The following DLG2 variants were observed in gnomAD, a reference collection of about 807,000 sequenced individuals.
DLG2 encodes the protein disks large homolog 2.
Under a neutral mutation model 132.5 loss-of-function variants are expected in DLG2, and 45 were observed. That is an observed-to-expected ratio of 0.34 (90% CI 0.27 to 0.44). DLG2 has a LOEUF of 0.44. Ranked by LOEUF, DLG2 falls within the 20% of genes least tolerant of loss-of-function variation. DLG2 has a pLI of 1.00. For missense variants in DLG2, 1,045 were observed against 1,196.9 expected (o/e 0.87, Z 1.87); for synonymous variants, 424 against 419.6 (o/e 1.01, Z -0.13).
intron 7 of DLG2, among the ~76,000 whole-genome samples, chr11:84,413,473 CTT>C (rs2098917123): frequency 6.6e-6 from 1 of 152,168 alleles, no homozygotes; most frequent in African/African-American, 2.4e-5. Flanking sequence ...AGAGACAACA[CTT>C]TTGTGGTAGC....
chr11:83,550,134 G>T (rs2096352843), intron 19 of DLG2, among the ~76,000 whole-genome samples: 1 of 152,096 alleles, frequency 6.6e-6, no homozygotes, highest in Non-Finnish European at 1.5e-5. Context: ...TGTTTTGAGG[G>T]TGTTGGCAAA....
At chr11:84,365,271 T>C (rs1350232722) in intron 7 of DLG2, among the ~76,000 whole-genome samples, 1 of 152,200 alleles carries the variant, frequency 6.6e-6, no homozygotes, top group East Asian at 1.9e-4. Flanking sequence ...ATTTATCCAT[T>C]TCTTCTAGAT....
rs1567804114 is a variant in DLG2 at position 84,502,234 on chromosome 11, CCTT to C, written c.519+32333_519+32335del. 2.6e-4 allele frequency among the ~76,000 whole-genome samples: 7 copies of C among 27,180 alleles called. 2 individuals carry two copies. In the African/African-American group the frequency reaches 3.5e-3, roughly 14 times the overall value. The allele number at this position is 27,180 out of a possible 152,430, so 17.8% of individuals were successfully genotyped here. On this transcript the variant is annotated intron_variant, in intron 7 of 27. Coordinates refer to ENST00000376104, the MANE Select transcript of DLG2 (RefSeq NM_001142699.3). ...TCCTTCCTTCCTTCCTTCCTTCCTT[CCTT>C]CCTTCCTTCCTTCCTTCCTTCCTTC... is the stretch of plus-strand genomic sequence containing the variant.
intron 17 of DLG2, among the ~76,000 whole-genome samples, chr11:83,796,588 G>T (rs2042884707): frequency 6.6e-6 from 1 of 152,096 alleles, no homozygotes; most frequent in Non-Finnish European, 1.5e-5. Context: ...TCTTATGGGT[G>T]TTATTTCCAG....
rs148113929 is a variant in DLG2, at chr11:85,489,533, C to T, written c.40+109124G>A. On this transcript the variant is annotated intron_variant, in intron 3 of 27. Coordinates refer to ENST00000376104, the MANE Select transcript of DLG2 (RefSeq NM_001142699.3). The stretch of plus-strand genomic sequence containing the variant: ...CGAAAATCAACAAAAAAACATGAAA[C>T]CGAAATTGGACTTTACACAAAAGGG... Among the ~76,000 whole-genome samples the T allele has an allele frequency of 5.5e-3, 834 of 152,078 alleles. 7 individuals carry two copies. The highest frequency in any genetic ancestry group is 0.019 in the African/African-American group (797 of 41,486).
chr11:85,267,355 C>A (rs1185614523), intron 4 of DLG2, among the ~76,000 whole-genome samples: 1 of 152,162 alleles, frequency 6.6e-6, no homozygotes, highest in African/African-American at 2.4e-5. Context: ...TTGTTTAACC[C>A]ACCCAGTCTA....
chr11:83,910,559 A>G (rs1397354351), intron 15 of DLG2, among the ~76,000 whole-genome samples: 1 of 152,156 alleles, frequency 6.6e-6, no homozygotes, highest in Non-Finnish European at 1.5e-5. Context: ...TAGAAGGAAA[A>G]TATTAAATGT....
At chr11:84,616,904 T>G (rs1222783366) in intron 6 of DLG2, among the ~76,000 whole-genome samples, 1 of 151,908 alleles carries the variant, frequency 6.6e-6, no homozygotes, top group African/African-American at 2.4e-5. Flanking sequence ...ACAGGAAAGG[T>G]AAATAATTTT....
intron 11 of DLG2, among the ~76,000 whole-genome samples, chr11:83,991,236 T>C (rs2093693472): frequency 1.3e-5 from 2 of 152,212 alleles, no homozygotes; most frequent in Non-Finnish European, 2.9e-5. Context: ...AAAGAAGTGA[T>C]TCTGCTTAAA....
chr11:85,267,285 AC>A (rs2077272654), intron 4 of DLG2, among the ~76,000 whole-genome samples: 1 of 152,238 alleles, frequency 6.6e-6, no homozygotes, highest in Non-Finnish European at 1.5e-5. Context: ...AGGAATTCAG[AC>A]ATGCTGGTAC....
intron 6 of DLG2, among the ~76,000 whole-genome samples, chr11:84,716,475 G>C (rs1434652597): frequency 6.6e-6 from 1 of 151,976 alleles, no homozygotes; most frequent in Non-Finnish European, 1.5e-5. Flanking sequence ...CTATAGACAA[G>C]ATAAAGGAAA....
chr11:83,833,583 G>C (rs2055219873), intron 17 of DLG2, 31 bp downstream of exon 17: 10 of 1,589,318 alleles, frequency 6.3e-6, no homozygotes, highest in Non-Finnish European at 8.6e-6. Flanking sequence ...GTCAGATATG[G>C]AGGGAATAAA....
chr11:84,066,264 T>G (rs1277299495), intron 10 of DLG2, among the ~76,000 whole-genome samples: 1 of 152,238 alleles, frequency 6.6e-6, no homozygotes, highest in Non-Finnish European at 1.5e-5. Context: ...ACCTAAATAT[T>G]AGAGCTTAAA....
At chr11:83,636,243 A>G (rs2064809657) in intron 18 of DLG2, among the ~76,000 whole-genome samples, 1 of 152,166 alleles carries the variant, frequency 6.6e-6, no homozygotes, top group Non-Finnish European at 1.5e-5. Flanking sequence ...TTATTTGTAC[A>G]GTTGTTCATC....
chr11:84,564,790 T>G (rs1325551764), intron 6 of DLG2, among the ~76,000 whole-genome samples: 1 of 152,174 alleles, frequency 6.6e-6, no homozygotes, highest in Non-Finnish European at 1.5e-5. Flanking sequence ...TGCTGCCACC[T>G]GGTGTCAGCT....
At chr11:85,180,863 T>G (rs2079644283) in intron 4 of DLG2, among the ~76,000 whole-genome samples, 1 of 151,736 alleles carries the variant, frequency 6.6e-6, no homozygotes, top group Admixed American at 6.6e-5. Flanking sequence ...ATAAAGAAAC[T>G]GAGGTTTCTG....
chr11:85,406,800 C>A (rs1465101592), intron 3 of DLG2, among the ~76,000 whole-genome samples: 2 of 151,608 alleles, frequency 1.3e-5, no homozygotes, highest in Admixed American at 6.6e-5. Context: ...TCCAATAAAC[C>A]ATTTTTCAGT....
chr11:85,068,172 A>G (rs964444770), intron 6 of DLG2, among the ~76,000 whole-genome samples: 1 of 152,134 alleles, frequency 6.6e-6, no homozygotes, highest in Non-Finnish European at 1.5e-5. Flanking sequence ...AGAGCTATTT[A>G]TGACAAACCC....
chr11:84,025,374 C>A (rs552092420), intron 11 of DLG2, among the ~76,000 whole-genome samples: 28 of 152,112 alleles, frequency 1.8e-4, no homozygotes, highest in African/African-American at 6.0e-4. Context: ...ACAGGAAAGA[C>A]CTGCCCCCAT....
Sources: gnomAD v4.1 joint callset for allele counts (sites outside exome capture counted in the v4.1 genomes callset) on GRCh38, gnomAD v4.1.1 for gene constraint, MANE v1.5 for transcripts, NCBI Gene and HGNC (gene_info 2026-07-23, HGNC 2026-07-21) for gene names.